Variants in MAML3 observed in about 807,000 individuals in gnomAD.
The protein encoded by MAML3 is mastermind like transcriptional coactivator 3.
A neutral mutation model predicts 101.9 loss-of-function variants in MAML3; 27 were observed. That is an observed-to-expected ratio of 0.27 (90% confidence interval 0.20 to 0.37). The LOEUF is 0.37. Ranked by LOEUF, MAML3 falls within the 10% of genes least tolerant of loss-of-function variation. MAML3 has a pLI of 1.00. For missense variants in MAML3, 1,316 were observed against 1,444.9 expected, an observed-to-expected ratio of 0.91 and a Z score of 1.45; for synonymous variants, 501 against 555.9, an observed-to-expected ratio of 0.90 and a Z score of 1.39.
intron 1 of MAML3, among the ~76,000 whole-genome samples, chr4:139,891,401 C>A (rs1026323827): frequency 2.6e-5 from 4 of 152,180 alleles, no homozygotes; most frequent in African/African-American, 9.7e-5. Context: ...GCCTCAGCCT[C>A]CAGAGTAGCT....
At chr4:140,015,145 A>G (rs1213000148) in intron 1 of MAML3, among the ~76,000 whole-genome samples, 1 of 152,236 alleles carries the variant, frequency 6.6e-6, no homozygotes, top group Non-Finnish European at 1.5e-5. Context: ...AGCATACATT[A>G]TTTTAAAGTA....
At chr4:139,944,350 C>T (rs1733666883) in intron 1 of MAML3, among the ~76,000 whole-genome samples, 2 of 152,072 alleles carry the variant, frequency 1.3e-5, no homozygotes, top group South Asian at 4.1e-4. Context: ...CCACCACAGT[C>T]CCCAGAGTGT....
rs771801005 is a variant in MAML3, at chr4:140,128,767, C to T, written c.468+24093G>A. On this transcript the variant is annotated intron_variant, in intron 1 of 4. Coordinates refer to ENST00000509479, the MANE Select transcript of MAML3 (RefSeq NM_018717.5). ...CACAACAACCATCGCTAGTGGGCCACATGCAGGGCAAGAGAAAGAACTAAC... is the reference window on the plus strand; with the variant it reads ...CACAACAACCATCGCTAGTGGGCCATATGCAGGGCAAGAGAAAGAACTAAC... Among the ~76,000 whole-genome samples, 6 of 152,294 alleles carry T rather than the reference C, an allele frequency of 3.9e-5. No homozygotes were observed. The East Asian group carries it at 1.2e-3, about 29-fold the overall frequency.
intron 1 of MAML3, among the ~76,000 whole-genome samples, chr4:140,093,416 GTTT>G (rs561107578): frequency 8.2e-6 from 1 of 121,480 alleles, no homozygotes; most frequent in Non-Finnish European, 1.7e-5. Context: ...ATGTTTGTTT[GTTT>G]TTTTTTTTTT....
chr4:140,039,196 T>G (rs568021630), intron 1 of MAML3, among the ~76,000 whole-genome samples: 2 of 152,164 alleles, frequency 1.3e-5, no homozygotes, highest in East Asian at 3.9e-4. Flanking sequence ...GGATGAAGAC[T>G]GAGGGAAATC....
intron 1 of MAML3, among the ~76,000 whole-genome samples, chr4:139,905,679 G>A (rs927513186): frequency 2.0e-5 from 3 of 152,054 alleles, no homozygotes; most frequent in African/African-American, 7.2e-5. Context: ...TATCTGCAGG[G>A]TTGGTTTCTC....
chr4:139,724,119 G>C (rs1039948), intron 4 of MAML3, among the ~76,000 whole-genome samples: 61,955 of 152,098 alleles, frequency 0.41, 14,113 homozygotes, highest in African/African-American at 0.61. Flanking sequence ...AACACCTGTG[G>C]ATAACTCAAT....
chr4:140,112,129 T>C (rs1408720083), intron 1 of MAML3, among the ~76,000 whole-genome samples: 1 of 152,204 alleles, frequency 6.6e-6, no homozygotes, highest in Non-Finnish European at 1.5e-5. Flanking sequence ...ATGTCATCAA[T>C]TTCTATATCA....
intron 2 of MAML3, among the ~76,000 whole-genome samples, chr4:139,744,771 C>T (rs1425469297): frequency 2.0e-5 from 3 of 152,100 alleles, no homozygotes; most frequent in Non-Finnish European, 4.4e-5. Context: ...CACGGAAAAG[C>T]TCAAAGATGA....
chr4:139,883,208 G>A (rs889125249), intron 2 of MAML3, among the ~76,000 whole-genome samples: 2 of 152,144 alleles, frequency 1.3e-5, no homozygotes, highest in African/African-American at 2.4e-5. Flanking sequence ...AAGGAAAGAC[G>A]GAGGGAGGGA....
chr4:139,749,958 T>C (rs2111038435), intron 2 of MAML3, among the ~76,000 whole-genome samples: 1 of 144,358 alleles, frequency 6.9e-6, no homozygotes, highest in African/African-American at 2.6e-5. Context: ...AGAAAAGAGA[T>C]GGCAAGGAAC....
chr4:140,108,334 T>C (rs373852843), intron 1 of MAML3, among the ~76,000 whole-genome samples: 1 of 151,910 alleles, frequency 6.6e-6, no homozygotes, highest in South Asian at 2.1e-4. Flanking sequence ...TACATGTCTA[T>C]TATGGCACTT....
chr4:139,765,888 G>C (rs574996226), intron 2 of MAML3, among the ~76,000 whole-genome samples: 9 of 152,242 alleles, frequency 5.9e-5, no homozygotes, highest in African/African-American at 1.9e-4. Flanking sequence ...CTAGGTGGCT[G>C]AAGTGGGAGG....
At chr4:139,939,764 C>CT (rs1233151703) in intron 1 of MAML3, among the ~76,000 whole-genome samples, 1,791 of 133,376 alleles carry the variant, frequency 0.013, 32 homozygotes, top group African/African-American at 0.035. Flanking sequence ...CAGGCACTTG[C>CT]TTTTTTTTTT....
chr4:140,116,957 A>G (rs1728527419), intron 1 of MAML3, among the ~76,000 whole-genome samples: 1 of 152,154 alleles, frequency 6.6e-6, no homozygotes, highest in South Asian at 2.1e-4. Flanking sequence ...TCTCACTATT[A>G]ACCCAGGACC....
intron 1 of MAML3, among the ~76,000 whole-genome samples, chr4:139,893,409 C>CT (rs1191410898): frequency 6.6e-6 from 1 of 152,122 alleles, no homozygotes; most frequent in Non-Finnish European, 1.5e-5. Flanking sequence ...ACTACCATAG[C>CT]TTTTTCACAC....
intron 2 of MAML3, among the ~76,000 whole-genome samples, chr4:139,825,208 C>A (rs1731041140): frequency 6.6e-6 from 1 of 152,072 alleles, no homozygotes; most frequent in Non-Finnish European, 1.5e-5. Flanking sequence ...ATTAGAATTT[C>A]TTTCTCTTAG....
intron 1 of MAML3, among the ~76,000 whole-genome samples, chr4:140,121,674 A>G (rs1728608291): frequency 6.6e-6 from 1 of 152,270 alleles, no homozygotes; most frequent in Admixed American, 6.5e-5. Context: ...AAAGACCAAG[A>G]CAAAATTTAA....
intron 2 of MAML3, among the ~76,000 whole-genome samples, chr4:139,839,451 C>T (rs1359248337): frequency 6.7e-6 from 1 of 148,360 alleles, no homozygotes; most frequent in Non-Finnish European, 1.5e-5. Flanking sequence ...TATACAGCAC[C>T]CCATCCAAGT....
Sources: allele counts gnomAD v4.1 joint callset (sites outside exome capture counted in the v4.1 genomes callset), GRCh38; gene constraint gnomAD v4.1.1; transcripts MANE v1.5; gene names NCBI Gene and HGNC (gene_info 2026-07-23, HGNC 2026-07-21).